Variants in NCBP1 observed in about 807,000 individuals in gnomAD.
The protein encoded by NCBP1 is nuclear cap binding protein subunit 1, also known as nuclear cap-binding protein subunit 1.
Under a neutral mutation model 111.7 loss-of-function variants are expected in NCBP1, and 16 were observed. The observed-to-expected ratio is 0.14, with a 90% confidence interval of 0.10 to 0.22. The LOEUF (loss-of-function observed/expected upper bound fraction) is 0.22. Ranked by LOEUF, NCBP1 falls within the 10% of genes least tolerant of loss-of-function variation. The pLI, the probability that NCBP1 is intolerant of heterozygous loss-of-function variation, is 1.00. For missense variants in NCBP1, 607 were observed against 957.5 expected (o/e 0.63, Z 4.83); for synonymous variants, 304 against 314.3 (o/e 0.97, Z 0.35).
intron 1 of NCBP1, among the ~76,000 whole-genome samples, chr9:97,637,058 C>T (rs1827062235): frequency 6.6e-6 from 1 of 151,956 alleles, no homozygotes; most frequent in South Asian, 2.1e-4. Flanking sequence ...AGCAAGGAGG[C>T]CAGTGGTGCT....
chr9:97,653,084 T>A (rs1049014623), intron 10 of NCBP1, among the ~76,000 whole-genome samples: 1 of 152,216 alleles, frequency 6.6e-6, no homozygotes, highest in Admixed American at 6.5e-5. Flanking sequence ...ATGACTTGAT[T>A]TTCTTGTTTC....
At position 97,648,162 on chromosome 9, in the gene NCBP1, A is replaced by T; in HGVS notation, c.836A>T (p.Asp279Val). 1 of 1,614,104 alleles carries T rather than the reference A, an allele frequency of 6.2e-7. No individual in the cohort carries two copies. The highest frequency in any genetic ancestry group is 8.5e-7 in the Non-Finnish European group (1 of 1,179,996). The part of the protein sequence containing the change: ...PPFTPPPHTE[D>V]SVYPMPRVIF... ...TTTACACCACCTCCTCACACTGAAGATTCAGTGTACCCAATGCCAAGGGTC... is the reference window on the plus strand; with the variant it reads ...TTTACACCACCTCCTCACACTGAAGTTTCAGTGTACCCAATGCCAAGGGTC... The change falls in exon 8 of 23, where the codon GAT becomes GTT. Residue 279 changes from aspartate to valine, a missense_variant. Physicochemically the swap from Asp to Val is radical, Grantham distance 152. Coordinates refer to ENST00000375147, the MANE Select transcript of NCBP1 (RefSeq NM_002486.5).
At chr9:97,661,618 T>A (rs991195337) in intron 16 of NCBP1, among the ~76,000 whole-genome samples, 1 of 152,130 alleles carries the variant, frequency 6.6e-6, no homozygotes, top group Non-Finnish European at 1.5e-5. Flanking sequence ...TTTGTTTGGA[T>A]ATCTCTAAGA....
chr9:97,640,565 A>G (rs1827179002), intron 1 of NCBP1, among the ~76,000 whole-genome samples: 1 of 152,084 alleles, frequency 6.6e-6, no homozygotes, highest in Non-Finnish European at 1.5e-5. Context: ...CTACTCACAC[A>G]AAATTTAACA....
chr9:97,636,504 A>G (rs1234298686), intron 1 of NCBP1, among the ~76,000 whole-genome samples: 1 of 30,576 alleles, frequency 3.3e-5, no homozygotes, highest in Non-Finnish European at 1.3e-4. Flanking sequence ...ATTTATATTT[A>G]TATATTATAA....
intron 14 of NCBP1, among the ~76,000 whole-genome samples, chr9:97,657,112 G>A (rs1393108356): frequency 2.0e-5 from 3 of 152,080 alleles, no homozygotes; most frequent in African/African-American, 7.2e-5. Context: ...GACTACAGGC[G>A]CCCGCCACCA....
chr9:97,657,396 C>G (rs1271693147), intron 14 of NCBP1, among the ~76,000 whole-genome samples: 1 of 152,096 alleles, frequency 6.6e-6, no homozygotes, highest in Non-Finnish European at 1.5e-5. Context: ...CTAGACCTTA[C>G]TTGGATTGCT....
chr9:97,647,894 C>T, intron 7 of NCBP1, 114 bp from the exon 8 acceptor site: 4 of 912,416 alleles, frequency 4.4e-6, no homozygotes, highest in African/African-American at 1.7e-5. Flanking sequence ...TTTTTTGTAC[C>T]ATCTTACAAG....
Position 97,660,938 on chromosome 9 carries a change from G to A in NCBP1, c.1478-8G>A, listed in dbSNP as rs375600675. 2.5e-5 allele frequency: 40 copies of A among 1,606,322 alleles called. No individual in the cohort carries two copies. The highest frequency in any genetic ancestry group is 3.2e-5 in the Non-Finnish European group (38 of 1,176,752). On this transcript the variant is annotated splice_polypyrimidine_tract_variant and splice_region_variant and intron_variant, in intron 15 of 22. Coordinates refer to ENST00000375147, the MANE Select transcript of NCBP1 (RefSeq NM_002486.5). ...TGTCATTCCCCTTACCCCCAATTCT[G>A]TGTTTAGATTCTCTTCCTGGACATT...
chr9:97,641,967 A>G (rs1023560248), intron 3 of NCBP1, among the ~76,000 whole-genome samples: 2 of 152,154 alleles, frequency 1.3e-5, no homozygotes, highest in Admixed American at 1.3e-4. Flanking sequence ...ATTTAAATGT[A>G]TGATACTTAC....
intron 19 of NCBP1, 27 bp downstream of exon 19, chr9:97,664,470 G>C: frequency 6.8e-7 from 1 of 1,480,478 alleles, no homozygotes; most frequent in Non-Finnish European, 9.4e-7. Context: ...TATGAAACTT[G>C]TGTTCCCTAA....
chr9:97,636,823 G>A (rs1041514376), intron 1 of NCBP1, among the ~76,000 whole-genome samples: 1 of 151,792 alleles, frequency 6.6e-6, no homozygotes, highest in Admixed American at 6.6e-5. Context: ...AGTGACAGGC[G>A]CTATGGAGTG....
chr9:97,662,142 A>T lies in NCBP1; in HGVS notation c.1701A>T (p.Ala567=), dbSNP rs1827858133. ...TCAGCCACTCCTTCAGTGCTCTTGC[A>T]AAGTATGTATGAGTACAGAGCCTTG... The part of the protein sequence containing the change: ...KSFSHSFSAL[A]KFHEVFKTLA... The change falls in exon 17 of 23, where the codon GCA becomes GCT. Residue 567 remains alanine, a splice_region_variant and synonymous_variant. Coordinates refer to ENST00000375147, the MANE Select transcript of NCBP1 (RefSeq NM_002486.5). 1.2e-6 allele frequency: 2 copies of T among 1,609,620 alleles called. No individual in the cohort carries two copies. Among genetic ancestry groups the T allele is most frequent in the African/African-American group, 2.7e-5 (2 of 74,860 alleles).
In NCBP1 at chr9:97,661,258, GCTTA is replaced by G. The variant is rs1827826289; in HGVS notation, c.1600+195_1600+198del. 3.9e-5 allele frequency among the ~76,000 whole-genome samples: 6 copies of G among 152,116 alleles called. No homozygotes were observed. The South Asian group carries it at 1.2e-3, about 32-fold the overall frequency. On this transcript the variant is annotated intron_variant, in intron 16 of 22. Coordinates refer to ENST00000375147, the MANE Select transcript of NCBP1 (RefSeq NM_002486.5). The stretch of plus-strand genomic sequence containing the variant: ...GAGATCCTAACATTTCTGTGATATA[GCTTA>G]CTTAAGAATATAAACTTCATCGTAA...
intron 6 of NCBP1, among the ~76,000 whole-genome samples, chr9:97,646,839 C>CAAAA (rs1199961668): frequency 5.6e-4 from 31 of 55,676 alleles, no homozygotes; most frequent in Non-Finnish European, 8.6e-4. Flanking sequence ...GACTCCGTCT[C>CAAAA]AAAAAAAAAA....
intron 3 of NCBP1, 34 bp downstream of exon 3, chr9:97,641,696 TA>T: frequency 6.4e-7 from 1 of 1,553,542 alleles, no homozygotes; most frequent in Non-Finnish European, 8.8e-7. Flanking sequence ...ATCCAGGTGA[TA>T]ATGTATTATC....
chr9:97,647,203 A>G (rs2131340274), intron 6 of NCBP1, among the ~76,000 whole-genome samples: 1 of 152,308 alleles, frequency 6.6e-6, no homozygotes, highest in African/African-American at 2.4e-5. Flanking sequence ...GGCATTGCCG[A>G]GTTGAGGGTT....
Position 97,669,625 on chromosome 9 carries a change from A to T in NCBP1, c.2178A>T (p.Val726=). 1 of 1,612,618 alleles carries T rather than the reference A, an allele frequency of 6.2e-7. No individual in the cohort carries two copies. Among genetic ancestry groups the T allele is most frequent in the Non-Finnish European group, 8.5e-7 (1 of 1,178,682 alleles). The part of the protein sequence containing the change: ...RFIMILTEHL[V]RCETDGTSVL... ...TCATGATCTTGACCGAGCACCTAGT[A>T]CGATGCGAAACTGATGGGACCAGTG... Residue 726 remains valine (V), a synonymous_variant, in exon 22 of 23, where the codon GTA becomes GTT. Transcript: ENST00000375147.
intron 19 of NCBP1, among the ~76,000 whole-genome samples, chr9:97,665,733 T>G (rs1013137578): frequency 6.6e-6 from 1 of 152,150 alleles, no homozygotes; most frequent in Non-Finnish European, 1.5e-5. Context: ...ACAACAGGGG[T>G]TAGAGACACC....
Sources: gnomAD v4.1 joint callset for allele counts (sites outside exome capture counted in the v4.1 genomes callset) on GRCh38, gnomAD v4.1.1 for gene constraint, MANE v1.5 for transcripts, NCBI Gene and HGNC (gene_info 2026-07-23, HGNC 2026-07-21) for gene names.